The following ATP8A1 variants were observed in gnomAD, a reference collection of about 807,000 sequenced individuals.
ATP8A1 encodes phospholipid-transporting ATPase IA.
In ATP8A1, 90 loss-of-function variants were observed where a neutral mutation model predicts 177.7. The ratio of observed to expected loss-of-function variants is 0.51; its 90% CI spans 0.43 to 0.60. ATP8A1 has a LOEUF of 0.60. Ranked by LOEUF, ATP8A1 falls within the 20% of genes least tolerant of loss-of-function variation. The pLI is 0.00. For missense variants in ATP8A1, 1,072 were observed against 1,392.8 expected, an observed-to-expected ratio of 0.77 and a Z score of 3.67; for synonymous variants, 493 against 485.9, an observed-to-expected ratio of 1.01 and a Z score of -0.19.
intron 16 of ATP8A1, among the ~76,000 whole-genome samples, chr4:42,555,151 T>TA (rs1280653517): frequency 2.5e-4 from 25 of 100,256 alleles, no homozygotes; most frequent in South Asian, 1.3e-3. Context: ...TCTATCTATC[T>TA]ATCTATCTAT....
chr4:42,455,501 A>T (rs767645227), intron 28 of ATP8A1, 24 bp downstream of exon 28: 1 of 1,613,554 alleles, frequency 6.2e-7, no homozygotes, highest in Admixed American at 1.7e-5. Flanking sequence ...ATGAAACAGG[A>T]ATTATCAAAT....
Position 42,624,642 on chromosome 4 carries a change from G to A in ATP8A1, c.265-8C>T, listed in dbSNP as rs1737845882. ...TGACACATCAGGTATTTGCTGTTTG[G>A]AAAAAAAAAAAAAAGAGAAATCCAA... On this transcript the variant is annotated splice_region_variant and splice_polypyrimidine_tract_variant and intron_variant, in intron 3 of 36. Transcript: ENST00000381668. 2.2e-5 allele frequency: 21 copies of A among 969,254 alleles called. No individual in the cohort carries two copies. Among genetic ancestry groups the A allele is most frequent in the African/African-American group, 6.8e-5 (4 of 58,406 alleles). The allele number at this position is 969,254 out of a possible 1,614,324, so 60.0% of individuals were successfully genotyped here. A position where few individuals can be genotyped will look rare whatever the true frequency, so the allele number is the denominator to read the frequency against.
At chr4:42,537,806 C>G (rs1377469370) in intron 20 of ATP8A1, among the ~76,000 whole-genome samples, 1 of 152,132 alleles carries the variant, frequency 6.6e-6, no homozygotes, top group Admixed American at 6.5e-5. Flanking sequence ...TGGATGGGTA[C>G]AATCAATGTT....
chr4:42,649,924 C>A (rs941271481), intron 1 of ATP8A1, among the ~76,000 whole-genome samples: 3 of 152,140 alleles, frequency 2.0e-5, no homozygotes, highest in Non-Finnish European at 4.4e-5. Flanking sequence ...CAGACAAAAC[C>A]CCCTGCCCTT....
chr4:42,564,827 G>A (rs112845019), intron 15 of ATP8A1, among the ~76,000 whole-genome samples: 12 of 152,206 alleles, frequency 7.9e-5, no homozygotes, highest in African/African-American at 1.7e-4. Flanking sequence ...GGGAGGGGCC[G>A]GGGTGGAATG....
At chr4:42,499,658 C>A (rs1560393556) in intron 24 of ATP8A1, among the ~76,000 whole-genome samples, 1 of 152,176 alleles carries the variant, frequency 6.6e-6, no homozygotes, top group Non-Finnish European at 1.5e-5. Context: ...AAACTTAGAC[C>A]AAACCTATAC....
intron 16 of ATP8A1, among the ~76,000 whole-genome samples, chr4:42,555,132 T>A (rs1560454477): frequency 4.0e-5 from 3 of 75,854 alleles, no homozygotes; most frequent in African/African-American, 1.7e-4. Context: ...TATCTATCTA[T>A]CTATCTAATC....
chr4:42,498,262 C>A (rs1723480968), intron 24 of ATP8A1, among the ~76,000 whole-genome samples: 1 of 152,092 alleles, frequency 6.6e-6, no homozygotes, highest in South Asian at 2.1e-4. Context: ...TCAACAGTGG[C>A]CCGTTCCCAA....
At chr4:42,506,271 G>C (rs1000783969) in intron 23 of ATP8A1, among the ~76,000 whole-genome samples, 13 of 152,118 alleles carry the variant, frequency 8.5e-5, no homozygotes, top group African/African-American at 2.4e-4. Flanking sequence ...GAATAGGACT[G>C]GTGCCCTTAT....
chr4:42,414,470 A>C (rs1409264747), intron 36 of ATP8A1, among the ~76,000 whole-genome samples, 157 bp downstream of exon 36: 2 of 152,216 alleles, frequency 1.3e-5, no homozygotes, highest in African/African-American at 2.4e-5. Context: ...AATGGTTCTG[A>C]CCAATGGATT....
chr4:42,652,715 A>T (rs1430618461), intron 1 of ATP8A1, among the ~76,000 whole-genome samples: 1 of 152,156 alleles, frequency 6.6e-6, no homozygotes, highest in Admixed American at 6.6e-5. Context: ...ACAGTGAATA[A>T]GTCTCACGAG....
chr4:42,441,194 G>A (rs1005196800), intron 33 of ATP8A1, among the ~76,000 whole-genome samples: 4 of 152,042 alleles, frequency 2.6e-5, no homozygotes, highest in African/African-American at 9.7e-5. Flanking sequence ...ATTACTATAT[G>A]CAATAGATAA....
chr4:42,652,471 C>A (rs953386695), intron 1 of ATP8A1, among the ~76,000 whole-genome samples: 1 of 152,116 alleles, frequency 6.6e-6, no homozygotes, highest in African/African-American at 2.4e-5. Flanking sequence ...TATTAGAATT[C>A]TAAATTATTG....
chr4:42,413,142 A>C (rs1480193828), intron 36 of ATP8A1, 129 bp from the exon 37 acceptor site: 2 of 679,458 alleles, frequency 2.9e-6, no homozygotes, highest in Non-Finnish European at 5.0e-6. Context: ...GCATGGAGAC[A>C]CTGATTTTTA....
intron 30 of ATP8A1, among the ~76,000 whole-genome samples, chr4:42,449,424 T>C (rs1021619054): frequency 1.3e-5 from 2 of 152,160 alleles, no homozygotes; most frequent in African/African-American, 4.8e-5. Context: ...TGTTTGTGGA[T>C]GGCAAAAGGG....
At chr4:42,566,381 A>C (rs1388231767) in intron 15 of ATP8A1, among the ~76,000 whole-genome samples, 1 of 152,176 alleles carries the variant, frequency 6.6e-6, no homozygotes, top group East Asian at 1.9e-4. Flanking sequence ...AGAGTCATCT[A>C]TACTCTTTAC....
intron 22 of ATP8A1, among the ~76,000 whole-genome samples, chr4:42,521,738 A>G (rs1726149878): frequency 6.6e-6 from 1 of 152,230 alleles, no homozygotes; most frequent in African/African-American, 2.4e-5. Flanking sequence ...TCTCATATAT[A>G]TTATCAGCTA....
chr4:42,477,769 T>A (rs955459155), intron 25 of ATP8A1, among the ~76,000 whole-genome samples: 17 of 149,176 alleles, frequency 1.1e-4, no homozygotes, highest in African/African-American at 4.2e-4. Flanking sequence ...CCCAGGAGTT[T>A]GAGAACAGCC....
intron 20 of ATP8A1, among the ~76,000 whole-genome samples, chr4:42,533,250 G>A (rs1727461203): frequency 1.3e-5 from 2 of 152,154 alleles, no homozygotes; most frequent in Admixed American, 6.5e-5. Flanking sequence ...GTAGCTGGGG[G>A]CAAGTTCTCA....
Sources: gnomAD v4.1 joint callset for allele counts (sites outside exome capture counted in the v4.1 genomes callset) on GRCh38, gnomAD v4.1.1 for gene constraint, MANE v1.5 for transcripts, NCBI Gene and HGNC (gene_info 2026-07-23, HGNC 2026-07-21) for gene names.